The following HMCN1 variants were observed in gnomAD, a reference collection of about 807,000 sequenced individuals.
HMCN1 encodes the protein hemicentin-1.
HMCN1 carries 321 observed loss-of-function variants against 625.9 expected under a neutral mutation model. The ratio of observed to expected loss-of-function variants is 0.51; its 90% confidence interval spans 0.47 to 0.56. HMCN1 has a LOEUF of 0.56. HMCN1 is among the 20% of genes least tolerant of loss of function. HMCN1 has a pLI of 0.00. For synonymous variants in HMCN1, 2,425 were observed against 2,417.6 expected, an observed-to-expected ratio of 1.00 and a Z score of -0.09; for missense variants, 6,588 against 6,887.3, an observed-to-expected ratio of 0.96 and a Z score of 1.54.
At position 186,172,014 on chromosome 1, in the gene HMCN1, G is replaced by A. The variant is rs184092836; in HGVS notation, c.15697G>A (p.Glu5233Lys). The A allele has an allele frequency of 1.2e-5, 19 of 1,613,116 alleles. No homozygotes were observed. In the Admixed American group the frequency reaches 2.2e-4, roughly 18 times the overall value. Residue 5233 changes from glutamate to lysine, a missense_variant, in exon 102 of 107, where the codon GAG (glutamate) becomes AAG (lysine). Coordinates refer to ENST00000271588, the MANE Select transcript of HMCN1 (RefSeq NM_031935.3). ...LKGRKCMDVN[E>K]CRQNVCRPDQ... ...TTTGTTCTTTTATCAAGATGTGAAC[G>A]AGTGTAGACAAAATGTATGCAGACC...
intron 1 of HMCN1, among the ~76,000 whole-genome samples, chr1:185,812,783 A>C (rs1659604992): frequency 6.6e-6 from 1 of 151,272 alleles, no homozygotes; most frequent in Non-Finnish European, 1.5e-5. Flanking sequence ...TGGAATATAC[A>C]TACATATGTT....
At chr1:186,014,958 T>C (rs1234600272) in intron 30 of HMCN1, among the ~76,000 whole-genome samples, 1 of 152,136 alleles carries the variant, frequency 6.6e-6, no homozygotes, top group Non-Finnish European at 1.5e-5. Flanking sequence ...TTTCTGTTTT[T>C]ACTGAAATCT....
Position 185,970,501 on chromosome 1 carries a change from T to A in HMCN1, c.2371+8T>A. On this transcript the variant is annotated splice_region_variant and intron_variant, in intron 15 of 106. Coordinates refer to ENST00000271588, the MANE Select transcript of HMCN1 (RefSeq NM_031935.3). ...TAACTCTGGATGTTGGCTGTAAGCC[T>A]CCAGATCTTATAGGCCAATTTGTTT... 1 of 1,609,362 alleles carries A rather than the reference T, an allele frequency of 6.2e-7. No individual in the cohort carries two copies. The highest frequency in any genetic ancestry group is 1.1e-5 in the South Asian group (1 of 90,994).
intron 36 of HMCN1, among the ~76,000 whole-genome samples, chr1:186,025,148 A>G (rs1654980782): frequency 6.6e-6 from 1 of 152,044 alleles, no homozygotes; most frequent in Non-Finnish European, 1.5e-5. Context: ...ACAGTTCACA[A>G]TAGGGTTCGT....
In HMCN1 at chr1:185,981,157, TA is replaced by T. The variant is rs144596190; in HGVS notation, c.2662+93del. Reference sequence around the variant, plus strand: ...TATGTCATCTCTTGCCTGTGCCACTTAAAAAAAAACAAAAGATAAATGACTA... The same window carrying T: ...TATGTCATCTCTTGCCTGTGCCACTTAAAAAAAACAAAAGATAAATGACTA... On this transcript the variant is annotated intron_variant, in intron 17 of 106. Coordinates refer to ENST00000271588, the MANE Select transcript of HMCN1 (RefSeq NM_031935.3). 8.8e-3 allele frequency: 7,327 copies of T among 836,250 alleles called. 339 individuals are homozygous for T. The African/African-American group carries it at 0.11, about 12-fold the overall frequency. The allele number at this position is 836,250 out of a possible 1,614,324, so 51.8% of individuals were successfully genotyped here. A position where few individuals can be genotyped will look rare whatever the true frequency, so the allele number is the denominator to read the frequency against.
chr1:186,188,155 T>G, intron 106 of HMCN1, 146 bp downstream of exon 106: 1 of 987,576 alleles, frequency 1.0e-6, no homozygotes, highest in Non-Finnish European at 1.6e-6. Flanking sequence ...AAGTATTCTC[T>G]TCAATGAATG....
intron 45 of HMCN1, 134 bp downstream of exon 45, chr1:186,055,808 C>A: frequency 1.2e-6 from 1 of 866,058 alleles, no homozygotes; most frequent in East Asian, 2.6e-5. Flanking sequence ...ACCTTTTCCC[C>A]AGGTCAGTCT....
intron 97 of HMCN1, among the ~76,000 whole-genome samples, chr1:186,161,084 C>T (rs1051618421): frequency 3.9e-5 from 6 of 152,004 alleles, no homozygotes; most frequent in Admixed American, 6.5e-5. Context: ...TAAGGACTTG[C>T]TTTATGAATC....
intron 1 of HMCN1, among the ~76,000 whole-genome samples, chr1:185,782,818 T>C (rs1434969769): frequency 6.6e-6 from 1 of 152,186 alleles, no homozygotes; most frequent in East Asian, 1.9e-4. Flanking sequence ...CTGACAATTA[T>C]GTGTCTTGGA....
intron 1 of HMCN1, among the ~76,000 whole-genome samples, chr1:185,836,809 G>A (rs1180733342): frequency 2.0e-5 from 3 of 151,928 alleles, no homozygotes; most frequent in Admixed American, 1.3e-4. Context: ...TAGACCTGGT[G>A]TCTATTCTTA....
At chr1:185,870,479 C>G (rs1343814414) in intron 4 of HMCN1, among the ~76,000 whole-genome samples, 1 of 152,066 alleles carries the variant, frequency 6.6e-6, no homozygotes, top group Non-Finnish European at 1.5e-5. Flanking sequence ...ATTCCCTTCC[C>G]TCGAAAAAAA....
At chr1:185,896,600 T>C (rs2102424025) in intron 4 of HMCN1, among the ~76,000 whole-genome samples, 1 of 152,316 alleles carries the variant, frequency 6.6e-6, no homozygotes, top group African/African-American at 2.4e-5. Flanking sequence ...TATAAAATAA[T>C]GTATTTCATT....
At position 185,781,258 on chromosome 1, in the gene HMCN1, G is replaced by T. The variant is rs573873968; in HGVS notation, c.268+46211G>T. The stretch of plus-strand genomic sequence containing the variant: ...CTCTCTTTTCTTCTTTATTAGTCTT[G>T]CTAGCAGTCTATCAGTTTTGTTGAT... On this transcript the variant is annotated intron_variant, in intron 1 of 106. Coordinates refer to ENST00000271588, the MANE Select transcript of HMCN1 (RefSeq NM_031935.3). Among the ~76,000 whole-genome samples, 110 of 151,670 alleles carry T rather than the reference G, an allele frequency of 7.3e-4. 1 individual carries two copies. Among genetic ancestry groups the T allele is most frequent in the African/African-American group, 2.5e-3 (104 of 41,288 alleles).
At chr1:186,074,444 AATATG>A (rs1658672337) in intron 52 of HMCN1, among the ~76,000 whole-genome samples, 1 of 152,054 alleles carries the variant, frequency 6.6e-6, no homozygotes, top group South Asian at 2.1e-4. Flanking sequence ...TGAATAAATT[AATATG>A]ATAACTAAGA....
chr1:185,949,980 T>C (rs527383533), intron 11 of HMCN1, among the ~76,000 whole-genome samples: 2 of 151,950 alleles, frequency 1.3e-5, no homozygotes, highest in Non-Finnish European at 2.9e-5. Flanking sequence ...GGCTAGTGGC[T>C]TGTACTATAG....
chr1:186,108,415 CT>C, intron 70 of HMCN1, 45 bp from the exon 71 acceptor site: 1 of 1,613,542 alleles, frequency 6.2e-7, no homozygotes, highest in Admixed American at 1.7e-5. Context: ...TTTTGGATAC[CT>C]ATGATAATAC....
chr1:186,173,640 CAAAAAA>C (rs762258823), intron 102 of HMCN1, among the ~76,000 whole-genome samples: 1 of 74,702 alleles, frequency 1.3e-5, no homozygotes, highest in East Asian at 5.3e-4. Context: ...GACTCCATCT[CAAAAAA>C]AAAAAAAAAG....
At chr1:185,911,473 C>A (rs868862423) in intron 5 of HMCN1, among the ~76,000 whole-genome samples, 14 of 152,138 alleles carry the variant, frequency 9.2e-5, no homozygotes, top group African/African-American at 2.9e-4. Flanking sequence ...TCATAAGATA[C>A]TGGAAATTGA....
At chr1:186,028,145 A>G (rs12119198) in intron 36 of HMCN1, among the ~76,000 whole-genome samples, 1 of 152,136 alleles carries the variant, frequency 6.6e-6, no homozygotes, top group Non-Finnish European at 1.5e-5. Context: ...GAAAGACTCT[A>G]CTCATGACCT....
Sources: allele counts gnomAD v4.1 joint callset (sites outside exome capture counted in the v4.1 genomes callset), GRCh38; gene constraint gnomAD v4.1.1; transcripts MANE v1.5; gene names NCBI Gene and HGNC (gene_info 2026-07-23, HGNC 2026-07-21).